The following LMBRD1 variants were observed in gnomAD, a reference collection of about 807,000 sequenced individuals.
LMBRD1 encodes the protein lysosomal cobalamin transport escort protein LMBD1.
A neutral mutation model predicts 74.8 loss-of-function variants in LMBRD1; 64 were observed. The ratio of observed to expected loss-of-function variants is 0.86; its 90% CI spans 0.70 to 1.05. LMBRD1 has a LOEUF of 1.05. LMBRD1 is among the 50% of genes least tolerant of loss of function. LMBRD1 has a pLI of 0.00. For missense variants in LMBRD1, 652 were observed against 645.9 expected, an observed-to-expected ratio of 1.01 and a Z score of -0.10; for synonymous variants, 204 against 216.3, an observed-to-expected ratio of 0.94 and a Z score of 0.50.
rs371398731 is a variant in LMBRD1 at position 69,678,279 on chromosome 6, G to A, written c.1418-1738C>T. Among the ~76,000 whole-genome samples the A allele has an allele frequency of 1.2e-4, 19 of 152,154 alleles. No homozygotes were observed. The East Asian group carries it at 3.5e-3, about 28-fold the overall frequency. ...TTAAGTGGAAGTAGATTATCATAAAGGTCTTTATCCTCATTGTCTTTACAT... is the reference window on the plus strand; with the variant it reads ...TTAAGTGGAAGTAGATTATCATAAAAGTCTTTATCCTCATTGTCTTTACAT... On this transcript the variant is annotated intron_variant, in intron 14 of 15. Coordinates refer to ENST00000649934, the MANE Select transcript of LMBRD1 (RefSeq NM_018368.4).
intron 9 of LMBRD1, among the ~76,000 whole-genome samples, chr6:69,706,714 C>T (rs1420497281): frequency 1.3e-5 from 2 of 152,144 alleles, no homozygotes; most frequent in Non-Finnish European, 2.9e-5. Flanking sequence ...CAATCTCTAC[C>T]TTCTGGAATC....
chr6:69,714,406 G>A (rs1042224881), intron 8 of LMBRD1, among the ~76,000 whole-genome samples: 2 of 151,846 alleles, frequency 1.3e-5, no homozygotes, highest in Admixed American at 6.6e-5. Context: ...CTATTTTTAC[G>A]CGACACTTTC....
chr6:69,784,204 CAG>C (rs1765896319), intron 2 of LMBRD1, among the ~76,000 whole-genome samples: 1 of 152,130 alleles, frequency 6.6e-6, no homozygotes, highest in Non-Finnish European at 1.5e-5. Context: ...AAAGAAACTT[CAG>C]AGTCATTTAG....
intron 7 of LMBRD1, among the ~76,000 whole-genome samples, chr6:69,719,911 G>A (rs1397002879): frequency 6.6e-6 from 1 of 152,128 alleles, no homozygotes; most frequent in Non-Finnish European, 1.5e-5. Context: ...ATTGAGTTCA[G>A]GACAATGAAT....
chr6:69,726,389 A>C (rs1766735598), intron 7 of LMBRD1, among the ~76,000 whole-genome samples: 1 of 152,340 alleles, frequency 6.6e-6, no homozygotes, highest in East Asian at 1.9e-4. Flanking sequence ...CATACTCAAA[A>C]GAAAGGAGAT....
In LMBRD1 at chr6:69,697,555, G is replaced by GT. The variant is rs754721069; in HGVS notation, c.1417+7dup. The GT allele has an allele frequency of 1.9e-6, 3 of 1,579,580 alleles. No individual in the cohort carries two copies. The South Asian group carries it at 3.3e-5, about 17-fold the overall frequency. ...AAAGTTGTAAGTTCTAAAACAAGCTGTTTTTACCTTCAGGAGCATCTGCAT... is the reference window on the plus strand; with the variant it reads ...AAAGTTGTAAGTTCTAAAACAAGCTGTTTTTTACCTTCAGGAGCATCTGCAT... On this transcript the variant is annotated splice_region_variant and intron_variant, in intron 14 of 15. Transcript: ENST00000649934.
chr6:69,736,759 G>T (rs1205404542), intron 7 of LMBRD1, among the ~76,000 whole-genome samples: 1 of 152,144 alleles, frequency 6.6e-6, no homozygotes, highest in African/African-American at 2.4e-5. Context: ...AAAGGTTAAA[G>T]GACAAACCCA....
chr6:69,760,536 T>C (rs1045332810), intron 3 of LMBRD1, among the ~76,000 whole-genome samples: 2 of 152,130 alleles, frequency 1.3e-5, no homozygotes, highest in African/African-American at 4.8e-5. Flanking sequence ...CTGCTAAGCA[T>C]AAAAGCATAT....
At chr6:69,793,862 G>A (rs1349960715) in intron 1 of LMBRD1, among the ~76,000 whole-genome samples, 1 of 151,658 alleles carries the variant, frequency 6.6e-6, no homozygotes, top group Non-Finnish European at 1.5e-5. Flanking sequence ...TGGAACCTCA[G>A]GCATTTGCCA....
intron 12 of LMBRD1, 113 bp from the exon 13 acceptor site, chr6:69,699,305 C>T (rs1213605998): frequency 1.1e-6 from 1 of 943,306 alleles, no homozygotes; most frequent in Non-Finnish European, 1.6e-6. Flanking sequence ...CATTATTTTT[C>T]TTCCAAAGTA....
chr6:69,676,034 G>T lies in LMBRD1; in HGVS notation c.*124C>A. On this transcript the variant is annotated 3_prime_UTR_variant, in exon 16 of 16. Transcript: ENST00000649934. ...AGAAAACATATAATAAAATATAGTT[G>T]TCTTATAGCCATGCTCCCATTTTTG... The T allele has an allele frequency of 1.4e-6, 1 of 726,278 alleles. No homozygotes were observed. Among genetic ancestry groups the T allele is most frequent in the Non-Finnish European group, 2.5e-6 (1 of 406,766 alleles). The allele number at this position is 726,278 out of a possible 1,614,324, so 45.0% of individuals were successfully genotyped here. A position where few individuals can be genotyped will look rare whatever the true frequency, so the allele number is the denominator to read the frequency against.
intron 3 of LMBRD1, among the ~76,000 whole-genome samples, chr6:69,775,000 A>C (rs1765665553): frequency 3.0e-5 from 1 of 33,510 alleles, no homozygotes; most frequent in Admixed American, 3.6e-4. Context: ...GGAGGGAGGG[A>C]GGGAGGGAGG....
In LMBRD1 at chr6:69,796,991, G is replaced by A. The variant is rs1766251852; in HGVS notation, c.-110C>T. 2 of 941,908 alleles carry A rather than the reference G, an allele frequency of 2.1e-6. No individual in the cohort carries two copies. Among genetic ancestry groups the A allele is most frequent in the Non-Finnish European group, 3.3e-6 (2 of 603,538 alleles). 58.3% of individuals were successfully genotyped at this position (941,908 alleles called of 1,614,324 possible). A position where few individuals can be genotyped will look rare whatever the true frequency, so the allele number is the denominator to read the frequency against. ...CCCGCGCACCCTAAAGGTTAAAGGG[G>A]CGGAGGGGGAGGAGCAAGTGGTTGC... On this transcript the variant is annotated 5_prime_UTR_variant, in exon 1 of 16. Transcript: ENST00000649934.
At chr6:69,752,378 C>A in intron 3 of LMBRD1, 22 bp from the exon 4 acceptor site, 1 of 1,571,306 alleles carries the variant, frequency 6.4e-7, no homozygotes, top group Non-Finnish European at 8.7e-7. Flanking sequence ...AATAATAAAC[C>A]GAGCTTTACT....
chr6:69,727,864 G>A (rs1268932698), intron 7 of LMBRD1, among the ~76,000 whole-genome samples: 1 of 151,828 alleles, frequency 6.6e-6, no homozygotes, highest in African/African-American at 2.4e-5. Flanking sequence ...TATTTAATTT[G>A]GTTATTCTAG....
chr6:69,707,668 G>A (rs1429340950), intron 9 of LMBRD1, among the ~76,000 whole-genome samples: 1 of 152,070 alleles, frequency 6.6e-6, no homozygotes, highest in African/African-American at 2.4e-5. Context: ...CTAATGGTGA[G>A]TTAGGTGTAT....
chr6:69,792,885 A>G (rs1766117049), intron 1 of LMBRD1, among the ~76,000 whole-genome samples: 1 of 152,238 alleles, frequency 6.6e-6, no homozygotes, highest in Non-Finnish European at 1.5e-5. Flanking sequence ...GCAACCAGGC[A>G]GAAGAGTTAA....
chr6:69,795,794 C>CT (rs1397211999), intron 1 of LMBRD1, among the ~76,000 whole-genome samples: 1 of 152,102 alleles, frequency 6.6e-6, no homozygotes, highest in Non-Finnish European at 1.5e-5. Flanking sequence ...CTTTTATTTT[C>CT]TTTTTTTAGT....
intron 3 of LMBRD1, among the ~76,000 whole-genome samples, chr6:69,779,054 T>C (rs1232626100): frequency 6.6e-6 from 1 of 151,804 alleles, no homozygotes; most frequent in African/African-American, 2.4e-5. Flanking sequence ...GGCGTGATGG[T>C]GTGTGCCTGT....
Sources: allele counts gnomAD v4.1 joint callset (sites outside exome capture counted in the v4.1 genomes callset), GRCh38; gene constraint gnomAD v4.1.1; transcripts MANE v1.5; gene names NCBI Gene and HGNC (gene_info 2026-07-23, HGNC 2026-07-21).